Variants in ABCD2 observed in about 807,000 individuals in gnomAD.
The protein encoded by ABCD2 is ATP-binding cassette sub-family D member 2.
In ABCD2, 36 loss-of-function variants were observed where a neutral mutation model predicts 70.9. The observed-to-expected ratio is 0.51, with a 90% CI of 0.39 to 0.67. ABCD2 has a LOEUF of 0.67. ABCD2 is among the 30% of genes least tolerant of loss of function. The pLI is 0.00. For missense variants in ABCD2, 729 were observed against 890.2 expected (o/e 0.82, Z 2.30); for synonymous variants, 304 against 306.9 (o/e 0.99, Z 0.10).
At position 39,573,787 on chromosome 12, in the gene ABCD2, TTC is replaced by T; in HGVS notation, c.1930_1931del (p.Glu644ArgfsTer34). 2 of 1,613,424 alleles carry T rather than the reference TTC, an allele frequency of 1.2e-6. No homozygotes were observed. The highest frequency in any genetic ancestry group is 3.3e-5 in the Admixed American group (2 of 60,024). On this transcript the variant is annotated frameshift_variant, in exon 9 of 10. Transcript: ENST00000308666. LOFTEE classifies it high-confidence loss of function. ...CTTTTGCAGCCTGAAATATCTTTCCTTCGACATCAATGCTGACAGCACTGGTA... is the reference window on the plus strand; with the variant it reads ...CTTTTGCAGCCTGAAATATCTTTCCTGACATCAATGCTGACAGCACTGGTA... The part of the protein sequence containing the change: ...ECTSAVSIDV[E>X]GKIFQAAKGA...
chr12:39,543,552 A>G, the ABCD2 span, among the ~76,000 whole-genome samples: 3 of 152,210 alleles, frequency 2.0e-5, no homozygotes, highest in East Asian at 5.8e-4. Flanking sequence ...GAGAAACGGA[A>G]TTGAGAAGAA....
Position 39,619,766 on chromosome 12 carries a change from T to C in ABCD2, c.-151A>G. 1 of 685,488 alleles carries C rather than the reference T, an allele frequency of 1.5e-6. No homozygotes were observed. The highest frequency in any genetic ancestry group is 2.4e-6 in the Non-Finnish European group (1 of 416,066). The allele number at this position is 685,488 out of a possible 1,614,324, so 42.5% of individuals were successfully genotyped here. A position where few individuals can be genotyped will look rare whatever the true frequency, so the allele number is the denominator to read the frequency against. On this transcript the variant is annotated 5_prime_UTR_variant, in exon 1 of 10. Coordinates refer to ENST00000308666, the MANE Select transcript of ABCD2 (RefSeq NM_005164.4). The stretch of plus-strand genomic sequence containing the variant: ...TGTTGTGTTTTTAATTTTGTTCTGC[T>C]GTGACAGATGCAGCAGAGCTCAGAC...
chr12:39,596,971 T>C (rs1941824641), intron 6 of ABCD2, among the ~76,000 whole-genome samples: 1 of 152,086 alleles, frequency 6.6e-6, no homozygotes, highest in South Asian at 2.1e-4. Flanking sequence ...TATGCATTGG[T>C]TTTTTGTTTG....
At chr12:39,563,650 A>T (rs1325741357) in intron 9 of ABCD2, among the ~76,000 whole-genome samples, 1 of 152,172 alleles carries the variant, frequency 6.6e-6, no homozygotes, top group African/African-American at 2.4e-5. Context: ...TTATACTTTA[A>T]GTTTTAGGGT....
chr12:39,566,517 T>C (rs1941351003), intron 9 of ABCD2, among the ~76,000 whole-genome samples: 1 of 152,218 alleles, frequency 6.6e-6, no homozygotes, highest in Non-Finnish European at 1.5e-5. Flanking sequence ...GATTCTTCTC[T>C]CTTTTCTTCT....
intron 6 of ABCD2, among the ~76,000 whole-genome samples, chr12:39,597,745 C>T (rs957121052): frequency 7.2e-5 from 11 of 152,148 alleles, no homozygotes; most frequent in Non-Finnish European, 1.5e-4. Flanking sequence ...GGTTAATCTA[C>T]ATTTTGATGA....
intron 9 of ABCD2, among the ~76,000 whole-genome samples, chr12:39,568,846 G>A (rs760225115): frequency 6.6e-6 from 1 of 152,184 alleles, no homozygotes; most frequent in Non-Finnish European, 1.5e-5. Context: ...CCTGCTAACA[G>A]TCAGGACCCT....
chr12:39,608,961 A>G (rs1046414232), intron 2 of ABCD2, among the ~76,000 whole-genome samples: 1 of 152,152 alleles, frequency 6.6e-6, no homozygotes, highest in Admixed American at 6.5e-5. Context: ...ATTTCTCTGG[A>G]CTTTAATATA....
chr12:39,614,869 T>C (rs1172710003), intron 2 of ABCD2, among the ~76,000 whole-genome samples: 1 of 152,094 alleles, frequency 6.6e-6, no homozygotes, highest in African/African-American at 2.4e-5. Flanking sequence ...TCTCAATTAA[T>C]AGTCTGTCAT....
Position 39,554,962 on chromosome 12 carries a change from C to G in ABCD2, c.2004-831G>C, listed in dbSNP as rs145018014. On this transcript the variant is annotated intron_variant, in intron 9 of 9. Transcript: ENST00000308666. ...TATAGTTTTTCTCACTTCTTGCTTC[C>G]TTTTAAGATCTGGTCTGTCATTGTT... Among the ~76,000 whole-genome samples, 464 of 149,626 alleles carry G rather than the reference C, an allele frequency of 3.1e-3. 1 individual carries two copies. Among genetic ancestry groups the G allele is most frequent in the African/African-American group, 0.011 (437 of 41,104 alleles).
chr12:39,616,586 T>C (rs1007771760), intron 2 of ABCD2, among the ~76,000 whole-genome samples: 9 of 152,172 alleles, frequency 5.9e-5, no homozygotes, highest in Non-Finnish European at 1.2e-4. Context: ...AGAATATTTA[T>C]AGACTAAATG....
intron 6 of ABCD2, among the ~76,000 whole-genome samples, chr12:39,599,115 T>C (rs1403957102): frequency 1.3e-5 from 2 of 152,214 alleles, no homozygotes; most frequent in Non-Finnish European, 2.9e-5. Flanking sequence ...TAAGAAAAAG[T>C]TTCCTAGTGA....
chr12:39,592,407 T>A (rs1298102104), intron 6 of ABCD2, among the ~76,000 whole-genome samples: 3 of 152,192 alleles, frequency 2.0e-5, no homozygotes, highest in Non-Finnish European at 4.4e-5. Flanking sequence ...TCTGTGGAGA[T>A]GTTCATTCAT....
At chr12:39,572,965 A>C (rs1941468140) in intron 9 of ABCD2, among the ~76,000 whole-genome samples, 1 of 152,224 alleles carries the variant, frequency 6.6e-6, no homozygotes, top group South Asian at 2.1e-4. Flanking sequence ...TGAGTTCCTT[A>C]TAATGAGAGC....
At chr12:39,616,864 T>C in intron 2 of ABCD2, 124 bp downstream of exon 2, 2 of 836,802 alleles carry the variant, frequency 2.4e-6, no homozygotes, top group Non-Finnish European at 3.4e-6. Context: ...TCTGCCATTG[T>C]TTCGGACCAT....
At chr12:39,537,620 A>T in the ABCD2 span, among the ~76,000 whole-genome samples, 1 of 152,252 alleles carries the variant, frequency 6.6e-6, no homozygotes, top group Non-Finnish European at 1.5e-5. Context: ...GAATGACATC[A>T]TAAAACAAGG....
At chr12:39,569,750 A>G (rs1165854618) in intron 9 of ABCD2, among the ~76,000 whole-genome samples, 5 of 152,132 alleles carry the variant, frequency 3.3e-5, no homozygotes, top group Non-Finnish European at 5.9e-5. Flanking sequence ...AGCTGTTCCT[A>G]TTCAGCCCTC....
intron 2 of ABCD2, among the ~76,000 whole-genome samples, chr12:39,615,913 G>A (rs925289554): frequency 1.4e-4 from 21 of 151,788 alleles, no homozygotes; most frequent in Non-Finnish European, 5.9e-5. Flanking sequence ...TTATTTTCTA[G>A]GTAATAATTG....
chr12:39,598,225 C>G (rs968493794), intron 6 of ABCD2, among the ~76,000 whole-genome samples: 4 of 152,158 alleles, frequency 2.6e-5, no homozygotes, highest in African/African-American at 9.7e-5. Flanking sequence ...GATTCATCCT[C>G]TACCCAGAAG....
Sources: gnomAD v4.1 joint callset for allele counts (sites outside exome capture counted in the v4.1 genomes callset) on GRCh38, gnomAD v4.1.1 for gene constraint, MANE v1.5 for transcripts, NCBI Gene and HGNC (gene_info 2026-07-23, HGNC 2026-07-21) for gene names.